ADAMTSL1: variants seen among roughly 807,000 people sequenced by gnomAD.
ADAMTSL1 encodes the protein ADAMTS-like protein 1.
In ADAMTSL1, 126 loss-of-function variants were observed where a neutral mutation model predicts 201.8. The observed-to-expected ratio is 0.62, with a 90% CI of 0.54 to 0.72. ADAMTSL1 has a LOEUF of 0.72. ADAMTSL1 is among the 30% of genes least tolerant of loss of function. The pLI is 0.00. For synonymous variants in ADAMTSL1, 1,121 were observed against 903.4 expected (o/e 1.24, Z -4.32); for missense variants, 2,679 against 2,277.8 (o/e 1.18, Z -3.59).
At chr9:18,475,934 A>T (rs1480147121) in intron 1 of ADAMTSL1, among the ~76,000 whole-genome samples, 1 of 152,152 alleles carries the variant, frequency 6.6e-6, no homozygotes, top group African/African-American at 2.4e-5. Flanking sequence ...CCTCTGTGAT[A>T]TCTTGAATAT....
chr9:18,418,145 T>C (rs1578258), intron 2 of ADAMTSL1, among the ~76,000 whole-genome samples: 90,814 of 152,074 alleles, frequency 0.6, 27,687 homozygotes, highest in East Asian at 0.92. Context: ...ACTCAATATT[T>C]ATTCATGATA....
At chr9:18,869,815 T>C (rs947936146) in intron 23 of ADAMTSL1, among the ~76,000 whole-genome samples, 4 of 152,196 alleles carry the variant, frequency 2.6e-5, no homozygotes, top group African/African-American at 9.6e-5. Flanking sequence ...TTGTAAACTT[T>C]TTAGAACTTT....
chr9:18,753,345 G>T lies in ADAMTSL1; in HGVS notation c.2054G>T (p.Gly685Val). Residue 685 changes from glycine to valine, a missense_variant, in exon 16 of 29, where the codon GGC (glycine) becomes GTC (valine). Transcript: ENST00000380548. ...WSPCSLTCGV[G>V]LQTRDVFCSH... ...CCATGTAGTCTCACATGTGGGGTCG[G>T]CCTACAGACCAGAGACGTCTTCTGC... 6.2e-7 allele frequency: 1 copy of T among 1,612,404 alleles called. No individual in the cohort carries two copies. Among genetic ancestry groups the T allele is most frequent in the Non-Finnish European group, 8.5e-7 (1 of 1,179,332 alleles).
At chr9:18,206,035 C>G (rs1356671929) in intron 2 of ADAMTSL1, among the ~76,000 whole-genome samples, 1 of 89,812 alleles carries the variant, frequency 1.1e-5, no homozygotes, top group Non-Finnish European at 2.0e-5. Context: ...CCCTGGGCAA[C>G]AAAGTGAGAC....
intron 1 of ADAMTSL1, among the ~76,000 whole-genome samples, chr9:18,144,713 T>C (rs1826554090): frequency 1.3e-5 from 2 of 152,150 alleles, no homozygotes; most frequent in African/African-American, 4.8e-5. Flanking sequence ...TTTAAAACTT[T>C]ATGTTAAATG....
chr9:18,706,050 A>G (rs1407018347), intron 13 of ADAMTSL1, among the ~76,000 whole-genome samples: 1 of 152,240 alleles, frequency 6.6e-6, no homozygotes, highest in Non-Finnish European at 1.5e-5. Context: ...TGGCTACTCC[A>G]TAGGCAGGGC....
chr9:18,599,994 TACAAA>T (rs1204042747), intron 4 of ADAMTSL1, among the ~76,000 whole-genome samples: 159 of 28,296 alleles, frequency 5.6e-3, no homozygotes, highest in Non-Finnish European at 8.4e-3. Context: ...CTACTAAAAA[TACAAA>T]AAAAAAAAAA....
chr9:18,730,549 G>A (rs372992049), intron 15 of ADAMTSL1, among the ~76,000 whole-genome samples: 18 of 152,300 alleles, frequency 1.2e-4, no homozygotes, highest in South Asian at 2.1e-4. Context: ...GAATTCTTCC[G>A]TCATTCATGT....
At chr9:18,335,130 A>G (rs1835179444) in intron 2 of ADAMTSL1, among the ~76,000 whole-genome samples, 1 of 152,144 alleles carries the variant, frequency 6.6e-6, no homozygotes, top group South Asian at 2.1e-4. Context: ...GTGATAACAG[A>G]TCTTTGATAA....
rs1018859694 is a variant in ADAMTSL1 at position 18,703,794 on chromosome 9, G to A, written c.1575-2953G>A. Among the ~76,000 whole-genome samples the A allele has an allele frequency of 3.5e-5, 5 of 142,248 alleles. No homozygotes were observed. In the East Asian group the frequency reaches 1.0e-3, roughly 30 times the overall value. 93.3% of individuals were successfully genotyped at this position (142,248 alleles called of 152,430 possible). ...TTCAACCATTGCAACAAGTTCATGG[G>A]GCTTCAGTAGAATGGCCTTTCTATT... On this transcript the variant is annotated intron_variant, in intron 13 of 28. Transcript: ENST00000380548.
intron 1 of ADAMTSL1, among the ~76,000 whole-genome samples, chr9:18,477,692 C>T (rs558498927): frequency 6.6e-6 from 1 of 152,352 alleles, no homozygotes; most frequent in South Asian, 2.1e-4. Flanking sequence ...CATAGATCTA[C>T]AGAACGCTAT....
chr9:18,571,190 TA>T (rs553137720), intron 3 of ADAMTSL1, among the ~76,000 whole-genome samples: 13 of 152,308 alleles, frequency 8.5e-5, no homozygotes, highest in Non-Finnish European at 1.8e-4. Flanking sequence ...ATTATCAATT[TA>T]AAAACATAAT....
chr9:18,484,048 G>A (rs1046885959), intron 1 of ADAMTSL1, among the ~76,000 whole-genome samples: 1 of 152,170 alleles, frequency 6.6e-6, no homozygotes, highest in Non-Finnish European at 1.5e-5. Flanking sequence ...ATGGGATCTT[G>A]CATGTAGCAC....
rs571583738 is a variant in ADAMTSL1, at chr9:17,914,517, T to C, written c.87+7595T>C. ...CAATAAATTAGGTGTTGATGGGACG[T>C]ATCTCAAAATAATAAGAGCTATCTA... is the stretch of plus-strand genomic sequence containing the variant. On this transcript the variant is annotated intron_variant, in intron 1 of 29. Coordinates refer to the ADAMTSL1 transcript ENST00000680146. 4.6e-5 allele frequency among the ~76,000 whole-genome samples: 7 copies of C among 152,226 alleles called. 1 individual carries two copies. In the South Asian group the frequency reaches 1.5e-3, roughly 32 times the overall value.
chr9:18,391,700 TAGTTTTTAAGAG>T (rs1838052408), intron 2 of ADAMTSL1, among the ~76,000 whole-genome samples: 1 of 152,196 alleles, frequency 6.6e-6, no homozygotes, highest in South Asian at 2.1e-4. Flanking sequence ...CAATTTTCTT[TAGTTTTTAAGAG>T]AGTTTTTAAT....
At chr9:18,723,481 T>C (rs1373148768) in intron 15 of ADAMTSL1, 1 of 203,612 alleles carries the variant, frequency 4.9e-6, no homozygotes, top group Non-Finnish European at 1.0e-5. Flanking sequence ...ATGTTACTTC[T>C]CATTCTCAAA....
chr9:18,035,459 G>T (rs924789777), intron 1 of ADAMTSL1, among the ~76,000 whole-genome samples: 2 of 152,192 alleles, frequency 1.3e-5, no homozygotes, highest in African/African-American at 2.4e-5. Context: ...AATAGCATCA[G>T]TTATCCCAGG....
At chr9:18,419,777 G>T (rs1368361032) in intron 2 of ADAMTSL1, among the ~76,000 whole-genome samples, 2 of 143,704 alleles carry the variant, frequency 1.4e-5, no homozygotes, top group Admixed American at 1.5e-4. Flanking sequence ...CTGTCGCTCA[G>T]GCTGGAGTGC....
intron 1 of ADAMTSL1, among the ~76,000 whole-genome samples, chr9:18,488,585 C>A (rs554262038): frequency 6.6e-6 from 1 of 152,332 alleles, no homozygotes; most frequent in East Asian, 1.9e-4. Flanking sequence ...AGTTTCCTTG[C>A]CTGTAAAACA....
Sources: gnomAD v4.1 joint callset for allele counts (sites outside exome capture counted in the v4.1 genomes callset) on GRCh38, gnomAD v4.1.1 for gene constraint, MANE v1.5 for transcripts, NCBI Gene and HGNC (gene_info 2026-07-23, HGNC 2026-07-21) for gene names.